The following ATRNL1 variants were observed in gnomAD, a reference collection of about 807,000 sequenced individuals.
The protein encoded by ATRNL1 is attractin-like protein 1.
A neutral mutation model predicts 182.7 loss-of-function variants in ATRNL1; 95 were observed. The ratio of observed to expected loss-of-function variants is 0.52; its 90% CI spans 0.44 to 0.62. The LOEUF is 0.62. Ranked by LOEUF, ATRNL1 falls within the 20% of genes least tolerant of loss-of-function variation. The pLI, the probability that ATRNL1 is intolerant of heterozygous loss-of-function variation, is 0.00. For missense variants in ATRNL1, 1,471 were observed against 1,679.5 expected (o/e 0.88, Z 2.17); for synonymous variants, 576 against 568.3 (o/e 1.01, Z -0.19).
At chr10:115,394,821 T>C (rs745338287) in intron 20 of ATRNL1, 69 bp downstream of exon 20, 56 of 1,224,244 alleles carry the variant, frequency 4.6e-5, no homozygotes, top group Non-Finnish European at 6.3e-5. Flanking sequence ...TTTTATGTTT[T>C]ACTTTTTAAT....
chr10:115,462,420 T>TG (rs1847854116), intron 22 of ATRNL1, among the ~76,000 whole-genome samples: 1 of 152,056 alleles, frequency 6.6e-6, no homozygotes, highest in Non-Finnish European at 1.5e-5. Flanking sequence ...GAGACCATCC[T>TG]GGCCAATGTG....
At chr10:115,440,211 T>C (rs1479039565) in intron 21 of ATRNL1, among the ~76,000 whole-genome samples, 7 of 151,900 alleles carry the variant, frequency 4.6e-5, no homozygotes, top group Admixed American at 4.6e-4. Context: ...ATTTCGGGCT[T>C]ACCTTGTACT....
chr10:115,646,314 T>C (rs533532377), intron 26 of ATRNL1, among the ~76,000 whole-genome samples: 1 of 152,282 alleles, frequency 6.6e-6, no homozygotes, highest in South Asian at 2.1e-4. Flanking sequence ...GTAATACTAA[T>C]TATAATAACC....
At chr10:115,606,944 G>A (rs1856905739) in intron 26 of ATRNL1, among the ~76,000 whole-genome samples, 1 of 151,922 alleles carries the variant, frequency 6.6e-6, no homozygotes, top group Admixed American at 6.6e-5. Context: ...CTAACTGTCA[G>A]CGTTTGTTAC....
chr10:115,356,073 A>G (rs1338474703), intron 19 of ATRNL1, among the ~76,000 whole-genome samples: 1 of 152,108 alleles, frequency 6.6e-6, no homozygotes, highest in South Asian at 2.1e-4. Context: ...ATGTGACCCA[A>G]ACATTCTCTG....
intron 5 of ATRNL1, among the ~76,000 whole-genome samples, chr10:115,145,911 C>T (rs114539380): frequency 0.012 from 1,787 of 152,178 alleles, 34 homozygotes; most frequent in African/African-American, 0.04. Flanking sequence ...GATTTTTCTC[C>T]TTGAAAAACT....
intron 5 of ATRNL1, among the ~76,000 whole-genome samples, chr10:115,141,234 A>G (rs983281690): frequency 3.9e-5 from 6 of 152,156 alleles, no homozygotes; most frequent in Admixed American, 2.6e-4. Flanking sequence ...TTAGTTTACT[A>G]GTATAGTGAT....
chr10:115,806,447 T>TA (rs1288441705), intron 27 of ATRNL1, among the ~76,000 whole-genome samples: 3 of 152,124 alleles, frequency 2.0e-5, no homozygotes, highest in African/African-American at 7.2e-5. Flanking sequence ...AGGAAATTAA[T>TA]AAAATGAAAG....
intron 10 of ATRNL1, among the ~76,000 whole-genome samples, chr10:115,250,531 G>T (rs1041292073): frequency 1.3e-4 from 20 of 152,162 alleles, no homozygotes; most frequent in Non-Finnish European, 2.6e-4. Context: ...TTCCTACCCT[G>T]GCTGGAAAGA....
chr10:115,651,674 A>T (rs1860013146), intron 26 of ATRNL1, among the ~76,000 whole-genome samples: 1 of 152,172 alleles, frequency 6.6e-6, no homozygotes, highest in Non-Finnish European at 1.5e-5. Context: ...ACAGCTTACG[A>T]GAAATTAGAG....
chr10:115,615,640 A>G (rs1291704950), intron 26 of ATRNL1, among the ~76,000 whole-genome samples: 3 of 152,070 alleles, frequency 2.0e-5, no homozygotes, highest in Non-Finnish European at 4.4e-5. Flanking sequence ...AGATTCCCCT[A>G]TCAGTGCCAT....
At chr10:115,576,870 T>C (rs1213182595) in intron 26 of ATRNL1, among the ~76,000 whole-genome samples, 4 of 152,060 alleles carry the variant, frequency 2.6e-5, no homozygotes, top group African/African-American at 9.7e-5. Flanking sequence ...GTTTGAGGTC[T>C]TGTGTTTAGG....
intron 4 of ATRNL1, chr10:115,128,383 A>G: frequency 2.5e-6 from 1 of 393,848 alleles, no homozygotes; most frequent in Non-Finnish European, 3.5e-6. Context: ...GGAAGTCTAT[A>G]TATTATTTTT....
intron 25 of ATRNL1, among the ~76,000 whole-genome samples, chr10:115,536,234 C>A (rs1851987336): frequency 2.0e-5 from 3 of 152,158 alleles, no homozygotes; most frequent in South Asian, 4.1e-4. Context: ...CAGAGACAGG[C>A]AGACCTCCTT....
At chr10:115,262,768 T>C (rs1460478973) in intron 10 of ATRNL1, among the ~76,000 whole-genome samples, 9 of 151,954 alleles carry the variant, frequency 5.9e-5, no homozygotes, top group African/African-American at 2.2e-4. Context: ...ACAAATAACC[T>C]ATACATGTGA....
At position 115,806,018 on chromosome 10, in the gene ATRNL1, A is replaced by C. The variant is rs114042325; in HGVS notation, c.3904-41859A>C. Among the ~76,000 whole-genome samples, 1,217 of 152,276 alleles carry C rather than the reference A, an allele frequency of 8.0e-3. 25 individuals carry two copies. The highest frequency in any genetic ancestry group is 0.028 in the African/African-American group (1,145 of 41,546). On this transcript the variant is annotated intron_variant, in intron 27 of 28. Coordinates refer to ENST00000355044, the MANE Select transcript of ATRNL1 (RefSeq NM_207303.4). ...TACTAACCATTATATAAAATTAATAAGATAGTTTATACAGTCTCTTGCTTT... is the reference window on the plus strand; with the variant it reads ...TACTAACCATTATATAAAATTAATACGATAGTTTATACAGTCTCTTGCTTT...
intron 10 of ATRNL1, among the ~76,000 whole-genome samples, chr10:115,244,522 G>A (rs997020348): frequency 6.6e-6 from 1 of 152,152 alleles, no homozygotes; most frequent in African/African-American, 2.4e-5. Context: ...TGACTAAAGT[G>A]CAGCTGATAA....
chr10:115,606,278 A>G (rs1326256352), intron 26 of ATRNL1, among the ~76,000 whole-genome samples: 3 of 151,910 alleles, frequency 2.0e-5, no homozygotes, highest in African/African-American at 7.2e-5. Flanking sequence ...TCAGCAACAC[A>G]CTCATAGAAA....
chr10:115,496,562 T>C (rs1464636753), intron 24 of ATRNL1, among the ~76,000 whole-genome samples: 8 of 152,208 alleles, frequency 5.3e-5, no homozygotes, highest in Admixed American at 4.6e-4. Context: ...TCTCCATCCT[T>C]TTACTTTGAG....
Sources: allele counts gnomAD v4.1 joint callset (sites outside exome capture counted in the v4.1 genomes callset), GRCh38; gene constraint gnomAD v4.1.1; transcripts MANE v1.5; gene names NCBI Gene and HGNC (gene_info 2026-07-23, HGNC 2026-07-21).